SLCO3A1: variants seen among roughly 807,000 people sequenced by gnomAD.
SLCO3A1 encodes solute carrier organic anion transporter family member 3A1.
Under a neutral mutation model 63.1 loss-of-function variants are expected in SLCO3A1, and 27 were observed. The observed-to-expected ratio is 0.43, with a 90% CI of 0.32 to 0.59. The LOEUF (loss-of-function observed/expected upper bound fraction) is 0.59. Ranked by LOEUF, SLCO3A1 falls within the 20% of genes least tolerant of loss-of-function variation. The pLI is 0.09. For synonymous variants in SLCO3A1, 473 were observed against 409.9 expected, an observed-to-expected ratio of 1.15 and a Z score of -1.86; for missense variants, 773 against 945.8, an observed-to-expected ratio of 0.82 and a Z score of 2.40.
chr15:91,985,456 T>G (rs2046039881), intron 2 of SLCO3A1, among the ~76,000 whole-genome samples: 1 of 152,230 alleles, frequency 6.6e-6, no homozygotes, highest in African/African-American at 2.4e-5. Flanking sequence ...GGTGAACATA[T>G]GCCCACATTT....
At chr15:91,975,026 G>T (rs1166141931) in intron 2 of SLCO3A1, among the ~76,000 whole-genome samples, 1 of 152,186 alleles carries the variant, frequency 6.6e-6, no homozygotes, top group East Asian at 1.9e-4. Flanking sequence ...TCTGTAAAAT[G>T]AGTAGAATAA....
intron 1 of SLCO3A1, among the ~76,000 whole-genome samples, chr15:91,908,332 C>T (rs1322333417): frequency 6.6e-6 from 1 of 151,566 alleles, no homozygotes; most frequent in African/African-American, 2.4e-5. Flanking sequence ...TTAAAATGGC[C>T]CCCATTTATA....
intron 2 of SLCO3A1, among the ~76,000 whole-genome samples, chr15:92,045,946 A>T (rs929440601): frequency 6.6e-6 from 1 of 152,126 alleles, no homozygotes; most frequent in Non-Finnish European, 1.5e-5. Context: ...TCCTCTCGTG[A>T]TGGTGTTGAC....
At chr15:92,007,688 G>C (rs951341887) in intron 2 of SLCO3A1, among the ~76,000 whole-genome samples, 3 of 152,166 alleles carry the variant, frequency 2.0e-5, no homozygotes, top group Non-Finnish European at 4.4e-5. Flanking sequence ...AAAATTAGAA[G>C]AACTGGAGAG....
chr15:92,101,389 A>G (rs1002412133), intron 3 of SLCO3A1, among the ~76,000 whole-genome samples: 3 of 152,090 alleles, frequency 2.0e-5, no homozygotes, highest in African/African-American at 7.2e-5. Context: ...GGCACCTGTA[A>G]TCTCAGCTAC....
At chr15:91,935,367 C>G (rs4932515) in intron 2 of SLCO3A1, among the ~76,000 whole-genome samples, 123,406 of 152,104 alleles carry the variant, frequency 0.81, 50,602 homozygotes, top group East Asian at 0.98. Flanking sequence ...GTGTAATTCT[C>G]CTCCATTGAG....
intron 1 of SLCO3A1, among the ~76,000 whole-genome samples, chr15:91,858,817 C>G (rs1896985119): frequency 6.6e-6 from 1 of 152,222 alleles, no homozygotes; most frequent in Non-Finnish European, 1.5e-5. Flanking sequence ...TAAAAGCAAA[C>G]TTTGAGGTGC....
At chr15:92,098,548 A>G (rs1181677282) in intron 3 of SLCO3A1, among the ~76,000 whole-genome samples, 2 of 152,194 alleles carry the variant, frequency 1.3e-5, no homozygotes, top group African/African-American at 4.8e-5. Context: ...GTACATATCT[A>G]ATCACTGCCT....
intron 1 of SLCO3A1, among the ~76,000 whole-genome samples, chr15:91,876,407 A>G (rs185920380): frequency 7.2e-4 from 110 of 152,344 alleles, no homozygotes; most frequent in African/African-American, 2.4e-3. Context: ...CAGACTGCCA[A>G]CTTCAAGGGA....
intron 2 of SLCO3A1, among the ~76,000 whole-genome samples, chr15:91,920,859 C>A (rs1400171538): frequency 6.6e-6 from 1 of 152,148 alleles, no homozygotes; most frequent in East Asian, 1.9e-4. Context: ...CATGGGTAGG[C>A]GGATGGTATC....
At chr15:92,136,732 T>C (rs1377865416) in intron 7 of SLCO3A1, among the ~76,000 whole-genome samples, 1 of 152,204 alleles carries the variant, frequency 6.6e-6, no homozygotes, top group Non-Finnish European at 1.5e-5. Context: ...TTCACCTGTG[T>C]CCGCTATTTA....
intron 2 of SLCO3A1, among the ~76,000 whole-genome samples, chr15:92,015,839 G>A (rs1285521491): frequency 1.3e-5 from 2 of 152,242 alleles, no homozygotes; most frequent in East Asian, 3.9e-4. Context: ...TAGGAACATG[G>A]CTTCAGAAAC....
At chr15:92,054,841 C>T (rs1296947690) in intron 2 of SLCO3A1, among the ~76,000 whole-genome samples, 2 of 152,118 alleles carry the variant, frequency 1.3e-5, no homozygotes, top group Non-Finnish European at 2.9e-5. Flanking sequence ...TTTCTTTATC[C>T]AGTCTGTCAT....
chr15:91,944,216 A>G (rs1010074260), intron 2 of SLCO3A1, among the ~76,000 whole-genome samples: 2 of 122,642 alleles, frequency 1.6e-5, no homozygotes, highest in Admixed American at 8.8e-5. Context: ...AGTGTTCACC[A>G]TTATTTGTAT....
intron 5 of SLCO3A1, 86 bp from the exon 6 acceptor site, chr15:92,125,975 A>G: frequency 1.8e-6 from 2 of 1,136,462 alleles, no homozygotes; most frequent in Non-Finnish European, 2.6e-6. Context: ...CATTCACGGG[A>G]CTCAGCCTCA....
intron 7 of SLCO3A1, among the ~76,000 whole-genome samples, chr15:92,131,611 A>C (rs1287714507): frequency 2.1e-5 from 3 of 144,432 alleles, no homozygotes; most frequent in Non-Finnish European, 4.6e-5. Context: ...CAAGTGATCC[A>C]CCCGTCTCGG....
At chr15:91,926,410 A>G (rs955942634) in intron 2 of SLCO3A1, among the ~76,000 whole-genome samples, 4 of 152,226 alleles carry the variant, frequency 2.6e-5, no homozygotes, top group Admixed American at 6.5e-5. Flanking sequence ...TGGAAAAAAT[A>G]TAACCAATCC....
chr15:92,103,360 G>A lies in SLCO3A1; in HGVS notation c.746-919G>A, dbSNP rs528725448. On this transcript the variant is annotated intron_variant, in intron 3 of 9. Transcript: ENST00000318445. Reference sequence around the variant, plus strand: ...GAGAAAGAAAAAAACTGTACCAAAGGGTAAGCTGAAGTTTATGTTCTTGTG... The same window carrying A: ...GAGAAAGAAAAAAACTGTACCAAAGAGTAAGCTGAAGTTTATGTTCTTGTG... Among the ~76,000 whole-genome samples, 12 of 152,182 alleles carry A rather than the reference G, an allele frequency of 7.9e-5. No homozygotes were observed. The South Asian group carries it at 2.3e-3, about 29-fold the overall frequency.
At chr15:91,963,309 C>G (rs1327355669) in intron 2 of SLCO3A1, among the ~76,000 whole-genome samples, 1 of 148,432 alleles carries the variant, frequency 6.7e-6, no homozygotes, top group African/African-American at 2.5e-5. Context: ...ACCAGTCAGT[C>G]AGTGCTGAGA....
Sources: gnomAD v4.1 joint callset for allele counts (sites outside exome capture counted in the v4.1 genomes callset) on GRCh38, gnomAD v4.1.1 for gene constraint, MANE v1.5 for transcripts, NCBI Gene and HGNC (gene_info 2026-07-23, HGNC 2026-07-21) for gene names.